USH2A: variants seen among roughly 807,000 people sequenced by gnomAD.
USH2A encodes usherin, also known as Usher syndrome 2A (autosomal recessive, mild).
Under a neutral mutation model 538.9 loss-of-function variants are expected in USH2A, and 443 were observed. The ratio of observed to expected loss-of-function variants is 0.82; its 90% CI spans 0.76 to 0.89. The LOEUF is 0.89. Among genes scored for constraint, USH2A ranks in the 40% least tolerant of loss-of-function variants. The pLI is 0.00. For synonymous variants in USH2A, 2,413 were observed against 2,273.5 expected (o/e 1.06, Z -1.75); for missense variants, 6,633 against 6,324.8 (o/e 1.05, Z -1.65).
At chr1:216,282,026 A>G (rs1202894134) in intron 11 of USH2A, among the ~76,000 whole-genome samples, 1 of 151,952 alleles carries the variant, frequency 6.6e-6, no homozygotes, top group Admixed American at 6.6e-5. Context: ...ATCTATTCAG[A>G]TTATTTGCGC....
intron 4 of USH2A, among the ~76,000 whole-genome samples, chr1:216,358,891 T>C (rs1293329939): frequency 3.3e-5 from 5 of 152,140 alleles, no homozygotes; most frequent in Non-Finnish European, 7.4e-5. Flanking sequence ...ACATTTAGTA[T>C]ACTGAAGTAG....
chr1:215,972,652 A>G (rs1351373983), intron 35 of USH2A, among the ~76,000 whole-genome samples: 1 of 152,202 alleles, frequency 6.6e-6, no homozygotes, highest in Non-Finnish European at 1.5e-5. Context: ...ACTTTTAAAA[A>G]GCCACTGCTG....
chr1:216,152,838 C>T (rs1343977089), intron 21 of USH2A, among the ~76,000 whole-genome samples: 1 of 152,222 alleles, frequency 6.6e-6, no homozygotes, highest in Admixed American at 6.5e-5. Context: ...TCTGTTTTCA[C>T]ACCCAAGTGT....
At chr1:216,367,049 A>C (rs1323668706) in intron 3 of USH2A, among the ~76,000 whole-genome samples, 1 of 152,192 alleles carries the variant, frequency 6.6e-6, no homozygotes, top group Non-Finnish European at 1.5e-5. Flanking sequence ...TAATGCATAA[A>C]AAAGAATGTG....
At chr1:215,936,418 C>T (rs188980060) in intron 37 of USH2A, among the ~76,000 whole-genome samples, 5 of 152,136 alleles carry the variant, frequency 3.3e-5, no homozygotes, top group African/African-American at 4.8e-5. Flanking sequence ...TGCATTTGAA[C>T]TTGTTCTTGT....
chr1:216,157,102 G>A (rs961661070), intron 21 of USH2A, among the ~76,000 whole-genome samples: 4 of 152,040 alleles, frequency 2.6e-5, no homozygotes, highest in Admixed American at 6.5e-5. Flanking sequence ...TCGATCTCTT[G>A]ACCTCGTGAT....
At chr1:216,021,554 C>A (rs770084756) in intron 32 of USH2A, among the ~76,000 whole-genome samples, 1 of 152,082 alleles carries the variant, frequency 6.6e-6, no homozygotes, top group Non-Finnish European at 1.5e-5. Flanking sequence ...CAGACTAATA[C>A]GTGCCCTGAA....
chr1:216,234,230 C>T (rs891468026), intron 13 of USH2A, among the ~76,000 whole-genome samples: 11 of 152,056 alleles, frequency 7.2e-5, no homozygotes, highest in Admixed American at 7.2e-4. Context: ...TTTTTTCCTT[C>T]CCCTAGATCC....
At position 216,151,289 on chromosome 1, in the gene USH2A, G is replaced by A. The variant is rs530451844; in HGVS notation, c.4627+23963C>T. The stretch of plus-strand genomic sequence containing the variant: ...CTTTTTACTTTACATCTCCAGTTTT[G>A]CCTCGCACAAGGTCTCTTCTTCCTC... On this transcript the variant is annotated intron_variant, in intron 21 of 71. Coordinates refer to ENST00000307340, the MANE Select transcript of USH2A (RefSeq NM_206933.4). 3.9e-5 allele frequency among the ~76,000 whole-genome samples: 6 copies of A among 152,038 alleles called. No homozygotes were observed. In the East Asian group the frequency reaches 9.7e-4, roughly 25 times the overall value.
chr1:215,850,228 A>G (rs1663980246), intron 44 of USH2A, among the ~76,000 whole-genome samples: 1 of 152,192 alleles, frequency 6.6e-6, no homozygotes, highest in Admixed American at 6.5e-5. Flanking sequence ...TAAGTTCTTT[A>G]TTACATATAA....
chr1:215,903,765 T>A (rs79997070), intron 38 of USH2A, among the ~76,000 whole-genome samples: 1 of 151,940 alleles, frequency 6.6e-6, no homozygotes, highest in African/African-American at 2.4e-5. Flanking sequence ...CAGTGACAAA[T>A]TGGGTGGATG....
At chr1:216,216,765 T>C (rs946570051) in intron 15 of USH2A, among the ~76,000 whole-genome samples, 4 of 152,150 alleles carry the variant, frequency 2.6e-5, no homozygotes, top group African/African-American at 9.6e-5. Context: ...GATACTTACA[T>C]GTAATCTTAG....
intron 64 of USH2A, among the ~76,000 whole-genome samples, chr1:215,658,707 T>C (rs1424547302): frequency 1.3e-5 from 2 of 152,182 alleles, no homozygotes; most frequent in Non-Finnish European, 2.9e-5. Flanking sequence ...CAACGTGACA[T>C]CCATCTCTCG....
At chr1:215,996,913 G>A (rs1285867327) in intron 34 of USH2A, among the ~76,000 whole-genome samples, 2 of 152,080 alleles carry the variant, frequency 1.3e-5, no homozygotes, top group Admixed American at 6.6e-5. Context: ...TCCCCGTGTA[G>A]CTTCCTCTAT....
At chr1:215,910,664 A>C (rs1665758689) in intron 38 of USH2A, among the ~76,000 whole-genome samples, 1 of 151,900 alleles carries the variant, frequency 6.6e-6, no homozygotes, top group South Asian at 2.1e-4. Context: ...CATAACTACA[A>C]TCATGCTTTA....
chr1:216,418,954 T>A (rs530445380), intron 2 of USH2A, among the ~76,000 whole-genome samples: 11 of 152,262 alleles, frequency 7.2e-5, no homozygotes, highest in South Asian at 6.2e-4. Flanking sequence ...CTAAAGTGGT[T>A]GAATCATTCT....
At chr1:215,754,377 C>A (rs751889424) in intron 58 of USH2A, among the ~76,000 whole-genome samples, 24 of 152,082 alleles carry the variant, frequency 1.6e-4, no homozygotes, top group Non-Finnish European at 3.4e-4. Context: ...TTATTTATAG[C>A]ATTAGAACAA....
chr1:215,871,026 A>T (rs1250851971), intron 43 of USH2A, among the ~76,000 whole-genome samples: 2 of 152,154 alleles, frequency 1.3e-5, no homozygotes, highest in African/African-American at 4.8e-5. Context: ...TTTGCAATAT[A>T]AGTATTCAAA....
chr1:216,305,190 G>C (rs777123826), intron 9 of USH2A, among the ~76,000 whole-genome samples: 4 of 151,900 alleles, frequency 2.6e-5, no homozygotes, highest in Non-Finnish European at 1.5e-5. Flanking sequence ...TCTAAATCTG[G>C]GAGCTCTGGA....
Sources: gnomAD v4.1 joint callset for allele counts (sites outside exome capture counted in the v4.1 genomes callset) on GRCh38, gnomAD v4.1.1 for gene constraint, MANE v1.5 for transcripts, NCBI Gene and HGNC (gene_info 2026-07-23, HGNC 2026-07-21) for gene names.